SLC39A9: variants seen among roughly 807,000 people sequenced by gnomAD.
The protein encoded by SLC39A9 is solute carrier family 39 member 9.
SLC39A9 carries 14 observed loss-of-function variants against 28.4 expected under a neutral mutation model. The ratio of observed to expected loss-of-function variants is 0.49; its 90% CI spans 0.33 to 0.77. The LOEUF (loss-of-function observed/expected upper bound fraction) is 0.77. SLC39A9 is among the 30% of genes least tolerant of loss of function. The probability of loss-of-function intolerance (pLI) is 0.02; values close to 1 mark genes in which losing one functional copy is unlikely to be tolerated. For missense variants in SLC39A9, 283 were observed against 381.1 expected, an observed-to-expected ratio of 0.74 and a Z score of 2.14; for synonymous variants, 119 against 149.6, an observed-to-expected ratio of 0.80 and a Z score of 1.49.
At chr14:69,419,632 G>A (rs978440325) in intron 1 of SLC39A9, among the ~76,000 whole-genome samples, 1 of 152,216 alleles carries the variant, frequency 6.6e-6, no homozygotes, top group Non-Finnish European at 1.5e-5. Context: ...TTGTGTGGAA[G>A]TCTCAGTCTC....
chr14:69,436,150 C>T lies in SLC39A9; in HGVS notation c.206-5919C>T, dbSNP rs1316721322. Among the ~76,000 whole-genome samples, 5 of 152,030 alleles carry T rather than the reference C, an allele frequency of 3.3e-5. No homozygotes were observed. The East Asian group carries it at 7.7e-4, about 24-fold the overall frequency. The stretch of plus-strand genomic sequence containing the variant: ...GGCGCAGTGGCTCACGCCTGTAATC[C>T]CAGCACTTTGGGAAGCTCAGGTGGG... On this transcript the variant is annotated intron_variant, in intron 2 of 6. Transcript: ENST00000336643.
chr14:69,404,123 T>C (rs1594897142), intron 1 of SLC39A9, among the ~76,000 whole-genome samples: 2 of 152,248 alleles, frequency 1.3e-5, no homozygotes, highest in South Asian at 4.1e-4. Context: ...CTACTCCAAA[T>C]GCTGATGTGG....
intron 1 of SLC39A9, among the ~76,000 whole-genome samples, chr14:69,417,459 G>T (rs1883639501): frequency 6.6e-6 from 1 of 152,030 alleles, no homozygotes; most frequent in African/African-American, 2.4e-5. Context: ...AATGCGACCT[G>T]TTTTTTGGTT....
At chr14:69,446,968 CGAGA>C (rs143464726) in intron 3 of SLC39A9, among the ~76,000 whole-genome samples, 1 of 121,868 alleles carries the variant, frequency 8.2e-6, no homozygotes, top group Non-Finnish European at 1.8e-5. Context: ...AGAGAGAGAG[CGAGA>C]GAGAGAGAGA....
At chr14:69,400,911 CAA>C (rs1412335745) in intron 1 of SLC39A9, among the ~76,000 whole-genome samples, 4 of 150,306 alleles carry the variant, frequency 2.7e-5, no homozygotes, top group Admixed American at 1.3e-4. Flanking sequence ...CCTAGCTACT[CAA>C]GAGGATAAGG....
At chr14:69,445,855 A>G (rs2139434042) in intron 3 of SLC39A9, among the ~76,000 whole-genome samples, 1 of 152,274 alleles carries the variant, frequency 6.6e-6, no homozygotes, top group East Asian at 1.9e-4. Context: ...ACCAATATGG[A>G]TGGGAGCGCT....
chr14:69,423,840 G>A (rs1447978688), intron 1 of SLC39A9, among the ~76,000 whole-genome samples: 2 of 150,456 alleles, frequency 1.3e-5, no homozygotes, highest in Non-Finnish European at 2.9e-5. Context: ...GAAGGCTGCA[G>A]TGAGCCGAGA....
intron 2 of SLC39A9, among the ~76,000 whole-genome samples, chr14:69,427,454 T>C (rs2140278947): frequency 6.6e-6 from 1 of 152,360 alleles, no homozygotes; most frequent in South Asian, 2.1e-4. Flanking sequence ...TTTTCATTTA[T>C]ATATTTATCA....
At chr14:69,457,721 G>A (rs901767638) in intron 6 of SLC39A9, among the ~76,000 whole-genome samples, 22 of 152,134 alleles carry the variant, frequency 1.4e-4, no homozygotes, top group African/African-American at 5.1e-4. Flanking sequence ...CTTAAAGTTC[G>A]TTTTAAAAAG....
chr14:69,438,433 TA>T (rs1309225807), intron 2 of SLC39A9, among the ~76,000 whole-genome samples: 1 of 152,240 alleles, frequency 6.6e-6, no homozygotes, highest in African/African-American at 2.4e-5. Context: ...CTTATAATTA[TA>T]ATACATTGTT....
intron 1 of SLC39A9, among the ~76,000 whole-genome samples, chr14:69,407,714 C>A (rs1883019764): frequency 6.6e-6 from 1 of 151,678 alleles, no homozygotes; most frequent in Non-Finnish European, 1.5e-5. Flanking sequence ...TCTCGGCTCA[C>A]TGCAACCTCC....
rs1222322214 is a variant in SLC39A9 at position 69,461,826 on chromosome 14, C to T, written c.*3233C>T. On this transcript the variant is annotated 3_prime_UTR_variant, in exon 7 of 7. Coordinates refer to ENST00000336643, the MANE Select transcript of SLC39A9 (RefSeq NM_018375.5). ...CCAAAGGATGTTCCTGCCTTGTGGG[C>T]CCCTGAGCCCCTTGGGAGACTGAGA... 1.3e-5 allele frequency: 17 copies of T among 1,339,246 alleles called. No individual in the cohort carries two copies. The highest frequency in any genetic ancestry group is 4.1e-6 in the Non-Finnish European group (4 of 985,824). The allele number at this position is 1,339,246 out of a possible 1,614,324, so 83.0% of individuals were successfully genotyped here.
intron 1 of SLC39A9, among the ~76,000 whole-genome samples, chr14:69,420,081 T>C (rs1183330268): frequency 6.6e-6 from 1 of 152,242 alleles, no homozygotes; most frequent in Non-Finnish European, 1.5e-5. Context: ...TGGTGCAGTT[T>C]CTTCCTAGCA....
At chr14:69,444,216 C>T (rs1885186800) in intron 3 of SLC39A9, among the ~76,000 whole-genome samples, 1 of 151,948 alleles carries the variant, frequency 6.6e-6, no homozygotes, top group Non-Finnish European at 1.5e-5. Flanking sequence ...AAAGGAAATG[C>T]TAAATTTCAG....
At chr14:69,435,080 A>G (rs369273679) in intron 2 of SLC39A9, among the ~76,000 whole-genome samples, 7 of 152,216 alleles carry the variant, frequency 4.6e-5, no homozygotes, top group African/African-American at 1.7e-4. Flanking sequence ...TGTAAATTTC[A>G]AGTCAAGTTG....
chr14:69,461,962 G>A lies in SLC39A9; in HGVS notation c.*3369G>A. On this transcript the variant is annotated 3_prime_UTR_variant, in exon 7 of 7. Transcript: ENST00000336643. ...GAAAATTTCTGCTCAATACAGAATG[G>A]TCCACATCACCCAAAGTGCACTGTT... is the stretch of plus-strand genomic sequence containing the variant. 2.3e-6 allele frequency: 1 copy of A among 433,388 alleles called. No homozygotes were observed. Among genetic ancestry groups the A allele is most frequent in the Non-Finnish European group, 4.1e-6 (1 of 244,228 alleles). 26.8% of individuals were successfully genotyped at this position (433,388 alleles called of 1,614,324 possible).
chr14:69,438,080 G>A (rs1040445505), intron 2 of SLC39A9, among the ~76,000 whole-genome samples: 1 of 148,278 alleles, frequency 6.7e-6, no homozygotes, highest in Non-Finnish European at 1.5e-5. Flanking sequence ...GGAGTGCAGT[G>A]ACACCATCTC....
chr14:69,436,408 G>A (rs1884755758), intron 2 of SLC39A9, among the ~76,000 whole-genome samples: 1 of 152,104 alleles, frequency 6.6e-6, no homozygotes, highest in Non-Finnish European at 1.5e-5. Flanking sequence ...TTCTTTGTAT[G>A]TCAAATAACT....
intron 1 of SLC39A9, among the ~76,000 whole-genome samples, chr14:69,401,765 A>G (rs768716045): frequency 1.1e-4 from 17 of 152,220 alleles, no homozygotes; most frequent in Non-Finnish European, 2.2e-4. Flanking sequence ...TAAAATCAGC[A>G]TTCATAATAT....
Sources: gnomAD v4.1 joint callset for allele counts (sites outside exome capture counted in the v4.1 genomes callset) on GRCh38, gnomAD v4.1.1 for gene constraint, MANE v1.5 for transcripts, NCBI Gene and HGNC (gene_info 2026-07-23, HGNC 2026-07-21) for gene names.